The following ADAMTS6 variants were observed in gnomAD, a reference collection of about 807,000 sequenced individuals.
The protein encoded by ADAMTS6 is ADAM metallopeptidase with thrombospondin type 1 motif 6.
In ADAMTS6, 23 loss-of-function variants were observed where a neutral mutation model predicts 144.3. The ratio of observed to expected loss-of-function variants is 0.16; its 90% CI spans 0.11 to 0.23. The LOEUF is 0.23. Among genes scored for constraint, ADAMTS6 ranks in the 10% least tolerant of loss-of-function variants. The pLI is 1.00. For missense variants in ADAMTS6, 999 were observed against 1,379.6 expected (o/e 0.72, Z 4.37); for synonymous variants, 444 against 457.5 (o/e 0.97, Z 0.38).
intron 14 of ADAMTS6, among the ~76,000 whole-genome samples, chr5:65,256,959 TTTTCTCTCTCTC>T (rs1376409012): frequency 7.1e-6 from 1 of 141,688 alleles, no homozygotes; most frequent in Non-Finnish European, 1.5e-5. Context: ...AAGGGTCACT[TTTTCTCTCTCTC>T]TCTCTCTCTC....
chr5:65,379,936 C>T (rs927447137), intron 7 of ADAMTS6, among the ~76,000 whole-genome samples: 5 of 151,872 alleles, frequency 3.3e-5, no homozygotes, highest in African/African-American at 1.2e-4. Context: ...ATTTATTTCT[C>T]GAATTCCTAA....
chr5:65,184,359 A>C (rs1299441824), intron 22 of ADAMTS6, among the ~76,000 whole-genome samples: 1 of 152,216 alleles, frequency 6.6e-6, no homozygotes, highest in Non-Finnish European at 1.5e-5. Context: ...AAAGGACCAG[A>C]GTAGAACCTA....
intron 12 of ADAMTS6, among the ~76,000 whole-genome samples, chr5:65,272,856 G>C (rs1418222168): frequency 6.6e-6 from 1 of 151,820 alleles, no homozygotes; most frequent in Non-Finnish European, 1.5e-5. Flanking sequence ...CAGAGGTGGA[G>C]GTTGCAGTGA....
chr5:65,190,646 C>CT (rs1312798656), intron 21 of ADAMTS6, among the ~76,000 whole-genome samples: 2 of 152,170 alleles, frequency 1.3e-5, no homozygotes, highest in African/African-American at 4.8e-5. Context: ...ACACCTCTGT[C>CT]TTTTTATTCT....
intron 21 of ADAMTS6, among the ~76,000 whole-genome samples, chr5:65,192,653 C>T (rs1580006857): frequency 6.8e-6 from 1 of 146,248 alleles, no homozygotes. Flanking sequence ...AATTCCTTTC[C>T]TTTTTTTTTT....
At chr5:65,205,166 G>A (rs1436530606) in intron 20 of ADAMTS6, among the ~76,000 whole-genome samples, 2 of 151,048 alleles carry the variant, frequency 1.3e-5, no homozygotes, top group Non-Finnish European at 2.9e-5. Flanking sequence ...TCCATTTGGG[G>A]CTCCTCTGCT....
At chr5:65,234,191 A>G (rs901709600) in intron 15 of ADAMTS6, among the ~76,000 whole-genome samples, 4 of 151,980 alleles carry the variant, frequency 2.6e-5, no homozygotes, top group Non-Finnish European at 5.9e-5. Context: ...AGAAGAAAAC[A>G]TAAGGGCAAA....
chr5:65,197,294 G>T, intron 20 of ADAMTS6, 143 bp from the exon 21 acceptor site: 3 of 686,228 alleles, frequency 4.4e-6, no homozygotes, highest in Non-Finnish European at 6.3e-6. Context: ...TCTCTAAAAT[G>T]GAGAGAAGAC....
Position 65,388,768 on chromosome 5 carries a change from C to T in ADAMTS6, c.1074-54683G>A, listed in dbSNP as rs977411621. ...AAATACTGCTACGTAGTGTCAGTGC[C>T]TGCTTTGGCATTTGTGTTCTGGGTG... is the stretch of plus-strand genomic sequence containing the variant. On this transcript the variant is annotated intron_variant, in intron 7 of 24. Coordinates refer to ENST00000381055, the MANE Select transcript of ADAMTS6 (RefSeq NM_197941.4). 2.6e-5 allele frequency among the ~76,000 whole-genome samples: 4 copies of T among 152,260 alleles called. No homozygotes were observed. The East Asian group carries it at 7.7e-4, about 29-fold the overall frequency.
intron 7 of ADAMTS6, among the ~76,000 whole-genome samples, chr5:65,427,733 G>T (rs1236333317): frequency 6.6e-6 from 1 of 150,712 alleles, no homozygotes; most frequent in East Asian, 2.0e-4. Flanking sequence ...AGGAGGTGGC[G>T]CTTGCAGTGA....
At chr5:65,217,836 C>T (rs1757043013) in intron 18 of ADAMTS6, among the ~76,000 whole-genome samples, 2 of 152,164 alleles carry the variant, frequency 1.3e-5, no homozygotes, top group South Asian at 4.1e-4. Context: ...AGAACTTCTC[C>T]TCACTTTCAT....
At chr5:65,198,887 A>T in intron 20 of ADAMTS6, 1 of 152,240 alleles carries the variant, frequency 6.6e-6, no homozygotes, top group Non-Finnish European at 1.5e-5. Context: ...AATGATTCAC[A>T]TCAGGCATAG....
Position 65,214,756 on chromosome 5 carries a change from T to A in ADAMTS6, c.2575+38A>T, listed in dbSNP as rs1561286984. On this transcript the variant is annotated intron_variant, in intron 20 of 24. Coordinates refer to ENST00000381055, the MANE Select transcript of ADAMTS6 (RefSeq NM_197941.4). This position sits in a 1 kb window ranked among gnomAD's most constrained non-coding sequence, Gnocchi z 4.6. The stretch of plus-strand genomic sequence containing the variant: ...AGCTCAGAATGTGTTTTGTTCTCCA[T>A]CTTGCCCTCTGGGTGGGCTGCCTAG... The A allele has an allele frequency of 6.2e-7, 1 of 1,613,612 alleles. No homozygotes were observed. The highest frequency in any genetic ancestry group is 1.3e-5 in the African/African-American group (1 of 74,930).
intron 2 of ADAMTS6, among the ~76,000 whole-genome samples, chr5:65,472,986 G>A (rs528636113): frequency 1.2e-4 from 18 of 152,078 alleles, no homozygotes; most frequent in Non-Finnish European, 2.9e-5. Context: ...CTGGTCCATG[G>A]AAAACAAAAT....
intron 12 of ADAMTS6, among the ~76,000 whole-genome samples, chr5:65,272,553 C>T (rs1241027720): frequency 4.6e-5 from 7 of 152,028 alleles, no homozygotes; most frequent in Non-Finnish European, 8.8e-5. Context: ...AAATTATTTG[C>T]TCTAATTTCT....
intron 7 of ADAMTS6, among the ~76,000 whole-genome samples, chr5:65,419,421 A>T (rs1400874718): frequency 6.6e-6 from 1 of 152,150 alleles, no homozygotes; most frequent in African/African-American, 2.4e-5. Context: ...GAGGGGAGAA[A>T]GGGTTGAAAA....
chr5:65,372,033 G>A (rs1750986505), intron 7 of ADAMTS6, among the ~76,000 whole-genome samples: 2 of 152,070 alleles, frequency 1.3e-5, no homozygotes, highest in African/African-American at 2.4e-5. Context: ...AGCTTCATAA[G>A]TGAAGGACAA....
intron 7 of ADAMTS6, among the ~76,000 whole-genome samples, chr5:65,438,689 C>T (rs1561542387): frequency 6.6e-6 from 1 of 152,190 alleles, no homozygotes; most frequent in African/African-American, 2.4e-5. Context: ...GCCATCTTCT[C>T]CCTTGGACAG....
chr5:65,476,529 C>G (rs1034926963), intron 1 of ADAMTS6, among the ~76,000 whole-genome samples: 2 of 152,182 alleles, frequency 1.3e-5, no homozygotes, highest in Non-Finnish European at 2.9e-5. Context: ...AGTCTAAATT[C>G]TTTGTATTAT....
Sources: allele counts gnomAD v4.1 joint callset (sites outside exome capture counted in the v4.1 genomes callset), GRCh38; gene constraint gnomAD v4.1.1; non-coding constraint Gnocchi (gnomAD v3.1); transcripts MANE v1.5; gene names NCBI Gene and HGNC (gene_info 2026-07-23, HGNC 2026-07-21).